The following PPARGC1A variants were observed in gnomAD, a reference collection of about 807,000 sequenced individuals.
PPARGC1A encodes peroxisome proliferator-activated receptor gamma coactivator 1-alpha.
A neutral mutation model predicts 88.7 loss-of-function variants in PPARGC1A; 25 were observed. The observed-to-expected ratio is 0.28, with a 90% confidence interval of 0.21 to 0.39. PPARGC1A has a LOEUF of 0.39. PPARGC1A is among the 10% of genes least tolerant of loss of function. The pLI is 1.00. For synonymous variants in PPARGC1A, 363 were observed against 355.6 expected (o/e 1.02, Z -0.24); for missense variants, 880 against 968.7 (o/e 0.91, Z 1.22).
chr4:24,311,360 CA>C, the PPARGC1A span, among the ~76,000 whole-genome samples: 4 of 149,418 alleles, frequency 2.7e-5, no homozygotes, highest in African/African-American at 9.7e-5. Context: ...CTCTGCCTCC[CA>C]AAGTGCTGGG....
chr4:23,915,952 T>A, the PPARGC1A span, among the ~76,000 whole-genome samples: 1 of 152,224 alleles, frequency 6.6e-6, no homozygotes, highest in African/African-American at 2.4e-5. Flanking sequence ...GTGAAGCATC[T>A]GGGCTCTGGA....
chr4:24,426,985 T>C, the PPARGC1A span, among the ~76,000 whole-genome samples: 73,808 of 152,004 alleles, frequency 0.49, 18,703 homozygotes, highest in African/African-American at 0.64. Flanking sequence ...TCAGTTAATA[T>C]GTTCTTCACC....
the PPARGC1A span, among the ~76,000 whole-genome samples, chr4:23,939,424 C>T: frequency 6.6e-6 from 1 of 152,034 alleles, no homozygotes; most frequent in Non-Finnish European, 1.5e-5. Flanking sequence ...ACCTTATTAC[C>T]CTCTAGGTCA....
chr4:24,141,200 G>A, the PPARGC1A span, among the ~76,000 whole-genome samples: 1 of 152,338 alleles, frequency 6.6e-6, no homozygotes, highest in South Asian at 2.1e-4. Flanking sequence ...ACAAAATGAT[G>A]CCTTCTATGG....
the PPARGC1A span, among the ~76,000 whole-genome samples, chr4:24,105,690 G>A: frequency 6.6e-6 from 1 of 152,104 alleles, no homozygotes; most frequent in Non-Finnish European, 1.5e-5. Flanking sequence ...AAAGGGTTGA[G>A]TGGTGGAACC....
At chr4:24,312,107 C>T in the PPARGC1A span, among the ~76,000 whole-genome samples, 1 of 152,180 alleles carries the variant, frequency 6.6e-6, no homozygotes, top group Non-Finnish European at 1.5e-5. Flanking sequence ...TATCACTAGA[C>T]ATTCTTTAAG....
At chr4:24,012,598 A>G in the PPARGC1A span, among the ~76,000 whole-genome samples, 1 of 151,808 alleles carries the variant, frequency 6.6e-6, no homozygotes, top group Admixed American at 6.6e-5. Context: ...CTTATCTTGA[A>G]CTCAGTCGTG....
the PPARGC1A span, among the ~76,000 whole-genome samples, chr4:24,399,090 G>A: frequency 6.6e-6 from 1 of 152,068 alleles, no homozygotes. Flanking sequence ...CTGGTTTCCG[G>A]TCCCCAGTCA....
chr4:24,331,767 T>TTA, the PPARGC1A span, among the ~76,000 whole-genome samples: 48,990 of 143,366 alleles, frequency 0.34, 8,325 homozygotes, highest in Admixed American at 0.43. Flanking sequence ...TGTGTTTATT[T>TTA]TATATATATA....
the PPARGC1A span, among the ~76,000 whole-genome samples, chr4:24,323,614 G>A: frequency 1.3e-5 from 2 of 151,890 alleles, no homozygotes; most frequent in East Asian, 3.9e-4. Flanking sequence ...TCCCTTCACT[G>A]ACTCTCTTTT....
the PPARGC1A span, among the ~76,000 whole-genome samples, chr4:24,409,785 T>C: frequency 6.6e-6 from 1 of 152,142 alleles, no homozygotes; most frequent in South Asian, 2.1e-4. Context: ...ACCCAGGTCA[T>C]CAAAAATGGG....
chr4:24,254,774 A>C, the PPARGC1A span, among the ~76,000 whole-genome samples: 1 of 152,208 alleles, frequency 6.6e-6, no homozygotes, highest in East Asian at 1.9e-4. Context: ...GAAATTCCAT[A>C]GTGTATTTAA....
At chr4:24,384,577 A>C in the PPARGC1A span, among the ~76,000 whole-genome samples, 6 of 149,266 alleles carry the variant, frequency 4.0e-5, no homozygotes, top group Admixed American at 6.6e-5. Flanking sequence ...AAAAAAAAAA[A>C]GCAAGGGTTG....
chr4:24,205,462 A>G, the PPARGC1A span, among the ~76,000 whole-genome samples: 1 of 152,234 alleles, frequency 6.6e-6, no homozygotes, highest in South Asian at 2.1e-4. Flanking sequence ...GAAAAACTAG[A>G]GTCCCCAACC....
chr4:24,403,961 A>G, the PPARGC1A span, among the ~76,000 whole-genome samples: 1 of 152,230 alleles, frequency 6.6e-6, no homozygotes, highest in East Asian at 1.9e-4. Flanking sequence ...CAAACTCTTC[A>G]TCCCTTTAAA....
chr4:23,933,473 C>T, the PPARGC1A span, among the ~76,000 whole-genome samples: 1 of 152,182 alleles, frequency 6.6e-6, no homozygotes, highest in Non-Finnish European at 1.5e-5. Flanking sequence ...CTCAACCTCA[C>T]CTCATACCAG....
the PPARGC1A span, among the ~76,000 whole-genome samples, chr4:24,390,253 A>T: frequency 6.6e-6 from 1 of 152,106 alleles, no homozygotes; most frequent in Non-Finnish European, 1.5e-5. Flanking sequence ...CCCCTCAAAT[A>T]CAAATGAAGA....
the PPARGC1A span, among the ~76,000 whole-genome samples, chr4:24,096,854 T>TTA: frequency 1.3e-5 from 2 of 152,262 alleles, no homozygotes; most frequent in South Asian, 2.1e-4. Context: ...TATGAAAAAG[T>TTA]TATATATATA....
chr4:24,200,548 T>G, the PPARGC1A span, among the ~76,000 whole-genome samples: 3 of 150,316 alleles, frequency 2.0e-5, no homozygotes, highest in Admixed American at 6.7e-5. Flanking sequence ...AAAACACATG[T>G]AGCTTTCTAT....
Sources: gnomAD v4.1 joint callset for allele counts (sites outside exome capture counted in the v4.1 genomes callset) on GRCh38, gnomAD v4.1.1 for gene constraint, MANE v1.5 for transcripts, NCBI Gene and HGNC (gene_info 2026-07-23, HGNC 2026-07-21) for gene names.